Variants in SYTL3 observed in about 807,000 individuals in gnomAD.
SYTL3 encodes the protein synaptotagmin like 3.
Under a neutral mutation model 82.1 loss-of-function variants are expected in SYTL3, and 88 were observed. The observed-to-expected ratio is 1.07, with a 90% CI of 0.90 to 1.28. SYTL3 has a LOEUF of 1.28. Among genes scored for constraint, SYTL3 ranks in the 50% most tolerant of loss-of-function variants. SYTL3 has a pLI of 0.00. For missense variants in SYTL3, 831 were observed against 757.6 expected (o/e 1.10, Z -1.14); for synonymous variants, 311 against 289.4 (o/e 1.07, Z -0.76).
chr6:158,695,320 G>A (rs1017312784), intron 6 of SYTL3, among the ~76,000 whole-genome samples: 8 of 152,244 alleles, frequency 5.3e-5, no homozygotes, highest in Middle Eastern at 6.8e-3. Flanking sequence ...TGGAAACCAA[G>A]GTGAAGTAAT....
At position 158,712,247 on chromosome 6, in the gene SYTL3, C is replaced by T. The variant is rs113906475; in HGVS notation, c.517-1553C>T. On this transcript the variant is annotated intron_variant, in intron 8 of 17. Coordinates refer to ENST00000611299, the MANE Select transcript of SYTL3 (RefSeq NM_001242394.2). ...ATTTGCTGTATTTGTTCTCCTTGGGCCCCTGGTTGAGTGGGTGGTGCCTGC... is the reference window on the plus strand; with the variant it reads ...ATTTGCTGTATTTGTTCTCCTTGGGTCCCTGGTTGAGTGGGTGGTGCCTGC... Among the ~76,000 whole-genome samples the T allele has an allele frequency of 6.6e-3, 1,010 of 152,186 alleles. 11 individuals are homozygous for T. Among genetic ancestry groups the T allele is most frequent in the African/African-American group, 0.023 (949 of 41,498 alleles).
At chr6:158,725,158 T>C (rs923281702) in intron 10 of SYTL3, among the ~76,000 whole-genome samples, 1 of 152,258 alleles carries the variant, frequency 6.6e-6, no homozygotes, top group African/African-American at 2.4e-5. Context: ...AATTATTATA[T>C]ATCAAGTGAT....
chr6:158,753,270 A>AT (rs1318222197), intron 13 of SYTL3, among the ~76,000 whole-genome samples: 1 of 151,016 alleles, frequency 6.6e-6, no homozygotes, highest in Non-Finnish European at 1.5e-5. Context: ...TTTAGTACAG[A>AT]TGGGGTTTCA....
chr6:158,717,547 A>G (rs903530554), intron 9 of SYTL3, among the ~76,000 whole-genome samples: 2 of 152,084 alleles, frequency 1.3e-5, no homozygotes, highest in Non-Finnish European at 2.9e-5. Flanking sequence ...TCTTTACTCT[A>G]GACCACTATT....
chr6:158,676,082 A>G (rs1252947344), intron 5 of SYTL3, among the ~76,000 whole-genome samples: 1 of 152,238 alleles, frequency 6.6e-6, no homozygotes, highest in Non-Finnish European at 1.5e-5. Context: ...ACCAAAAAAG[A>G]GCCTGCATTG....
At chr6:158,715,664 C>T (rs988837095) in intron 9 of SYTL3, among the ~76,000 whole-genome samples, 11 of 141,326 alleles carry the variant, frequency 7.8e-5, no homozygotes, top group Non-Finnish European at 1.7e-4. Flanking sequence ...CCACCCCCTG[C>T]CCAGAGGCAG....
rs986287450 is a variant in SYTL3, at chr6:158,718,088, G to A, written c.597G>A (p.Lys199=). The A allele has an allele frequency of 2.4e-5, 36 of 1,528,982 alleles. No individual in the cohort carries two copies. The highest frequency in any genetic ancestry group is 3.2e-5 in the Non-Finnish European group (36 of 1,136,480). The allele number at this position is 1,528,982 out of a possible 1,614,324, so 94.7% of individuals were successfully genotyped here. A position where few individuals can be genotyped will look rare whatever the true frequency, so the allele number is the denominator to read the frequency against. The change falls in exon 10 of 18, where the codon AAG becomes AAA. Residue 199 remains lysine, a splice_region_variant and synonymous_variant. Transcript: ENST00000611299. ...LFLSLATHVK[K]LSKSQNDMTS... ...TCAACCCTTGTGTTTGCCTTTTAGA[G>A]CTCTCCAAATCCCAGAATGATATGA...
chr6:158,710,065 A>G (rs968675112), intron 8 of SYTL3, among the ~76,000 whole-genome samples: 12 of 152,196 alleles, frequency 7.9e-5, no homozygotes, highest in Non-Finnish European at 1.5e-4. Context: ...AAACCATGAC[A>G]GAACACTTAA....
chr6:158,674,119 A>AATAATAATGATG (rs544841096), intron 5 of SYTL3, among the ~76,000 whole-genome samples: 212 of 141,446 alleles, frequency 1.5e-3, no homozygotes, highest in African/African-American at 5.6e-3. Context: ...TAATAATAAT[A>AATAATAATGATG]ATGATGATGA....
chr6:158,720,218 A>G lies in SYTL3; in HGVS notation c.720+2007A>G, dbSNP rs182428076. Among the ~76,000 whole-genome samples, 687 of 152,296 alleles carry G rather than the reference A, an allele frequency of 4.5e-3. 1 individual carries two copies. Among genetic ancestry groups the G allele is most frequent in the Non-Finnish European group, 7.6e-3 (514 of 68,030 alleles). On this transcript the variant is annotated intron_variant, in intron 10 of 17. Coordinates refer to ENST00000611299, the MANE Select transcript of SYTL3 (RefSeq NM_001242394.2). ...GGCGTTCGAGAGCAGCCTAGCCAAC[A>G]TGGTAAAACCCCGTCTCTACTAAAA...
In SYTL3 at chr6:158,745,666, G is replaced by GT. The variant is rs199688801; in HGVS notation, c.1034+16dup. 86,378 of 1,564,896 alleles carry GT rather than the reference G, an allele frequency of 0.055. 2,518 individuals carry two copies. Among genetic ancestry groups the GT allele is most frequent in the Non-Finnish European group, 0.06 (69,792 of 1,159,190 alleles). On this transcript the variant is annotated intron_variant, in intron 12 of 17. Transcript: ENST00000611299. The stretch of plus-strand genomic sequence containing the variant: ...GAAGAAAAAGTGCAATCCGTAAGTT[G>GT]TTTTTTTTAAGTTTAACATGAGACA...
At position 158,756,017 on chromosome 6, in the gene SYTL3, G is replaced by A. The variant is rs1789011529; in HGVS notation, c.1138-1194G>A. 3.3e-5 allele frequency among the ~76,000 whole-genome samples: 5 copies of A among 152,206 alleles called. No individual in the cohort carries two copies. In the South Asian group the frequency reaches 1.0e-3, roughly 31 times the overall value. On this transcript the variant is annotated intron_variant, in intron 13 of 17. Transcript: ENST00000611299. ...ATAGGGTGCGTGTGAAAGCTAAAAA[G>A]ATCAATGCATCTAGAAAGCCTGGTG... is the stretch of plus-strand genomic sequence containing the variant.
At chr6:158,753,290 C>A (rs984815063) in intron 13 of SYTL3, among the ~76,000 whole-genome samples, 31 of 151,628 alleles carry the variant, frequency 2.0e-4, no homozygotes, top group Non-Finnish European at 1.3e-4. Context: ...ACCATGTTGA[C>A]CAGGCTGGTC....
chr6:158,689,280 A>G (rs968080507), intron 6 of SYTL3, among the ~76,000 whole-genome samples: 5 of 151,338 alleles, frequency 3.3e-5, no homozygotes, highest in African/African-American at 1.2e-4. Flanking sequence ...AAATAAACCA[A>G]CATGCAAACC....
chr6:158,762,001 G>A, intron 15 of SYTL3, 75 bp from the exon 16 acceptor site: 1 of 1,066,158 alleles, frequency 9.4e-7, no homozygotes, highest in Non-Finnish European at 1.4e-6. Flanking sequence ...TGAGCTCTCG[G>A]TTTTGGGGTG....
At chr6:158,723,312 G>C (rs991861229) in intron 10 of SYTL3, among the ~76,000 whole-genome samples, 1 of 151,722 alleles carries the variant, frequency 6.6e-6, no homozygotes, top group Non-Finnish European at 1.5e-5. Context: ...TCCTGACCTC[G>C]TGATCTGCCT....
intron 17 of SYTL3, 121 bp downstream of exon 17, chr6:158,763,630 C>T: frequency 1.2e-6 from 1 of 808,502 alleles, no homozygotes; most frequent in Non-Finnish European, 2.0e-6. Context: ...CCTAGCCTGC[C>T]TTAATTGGAA....
chr6:158,709,644 G>A (rs556756710), intron 8 of SYTL3, among the ~76,000 whole-genome samples: 24 of 152,168 alleles, frequency 1.6e-4, no homozygotes, highest in Non-Finnish European at 3.1e-4. Flanking sequence ...AATTAAAGGG[G>A]GCAGGTATAT....
Position 158,760,658 on chromosome 6 carries a change from A to G in SYTL3, c.1327A>G (p.Ser443Gly), listed in dbSNP as rs1217669692. The change falls in exon 15 of 18, where the codon AGC becomes GGC. Residue 443 changes from serine (S) to glycine (G), a missense_variant. Physicochemically the swap from Ser to Gly is moderately conservative, Grantham distance 56 (BLOSUM62 0). Coordinates refer to ENST00000611299, the MANE Select transcript of SYTL3 (RefSeq NM_001242394.2). ...LRAKAEKYEDSVPQSNGELTV... is the reference protein window; with the variant it reads ...LRAKAEKYEDGVPQSNGELTV... ...TCCCCAGGCGGAGAAATACGAAGACAGCGTTCCTCAGAGTAATGGAGAGCT... is the reference window on the plus strand; with the variant it reads ...TCCCCAGGCGGAGAAATACGAAGACGGCGTTCCTCAGAGTAATGGAGAGCT... 1.2e-6 allele frequency: 2 copies of G among 1,613,914 alleles called. No individual in the cohort carries two copies. The highest frequency in any genetic ancestry group is 1.7e-6 in the Non-Finnish European group (2 of 1,179,928).
Sources: gnomAD v4.1 joint callset for allele counts (sites outside exome capture counted in the v4.1 genomes callset) on GRCh38, gnomAD v4.1.1 for gene constraint, MANE v1.5 for transcripts, NCBI Gene and HGNC (gene_info 2026-07-23, HGNC 2026-07-21) for gene names.